The following LRRTM4 variants were observed in gnomAD, a reference collection of about 807,000 sequenced individuals.
LRRTM4 encodes the protein leucine rich repeat transmembrane neuronal 4.
LRRTM4 carries 25 observed loss-of-function variants against 47.6 expected under a neutral mutation model. That is an observed-to-expected ratio of 0.53 (90% CI 0.38 to 0.73). The LOEUF is 0.73. Among genes scored for constraint, LRRTM4 ranks in the 30% least tolerant of loss-of-function variants. The probability of loss-of-function intolerance (pLI) is 0.00; values close to 1 mark genes in which losing one functional copy is unlikely to be tolerated. For missense variants in LRRTM4, 638 were observed against 713.4 expected (o/e 0.89, Z 1.20); for synonymous variants, 311 against 269.5 (o/e 1.15, Z -1.51).
rs1206477366 is a variant in LRRTM4, at chr2:77,083,820, T to C, written c.1552-334904A>G. Among the ~76,000 whole-genome samples, 261 of 119,910 alleles carry C rather than the reference T, an allele frequency of 2.2e-3. 6 individuals carry two copies. Among genetic ancestry groups the C allele is most frequent in the African/African-American group, 8.2e-3 (227 of 27,686 alleles). 78.7% of individuals were successfully genotyped at this position (119,910 alleles called of 152,430 possible). A position where few individuals can be genotyped will look rare whatever the true frequency, so the allele number is the denominator to read the frequency against. On this transcript the variant is annotated intron_variant, in intron 3 of 3. Transcript: ENST00000409884. ...TTTTTTTTTTTTTTTTTTTTTTTTTTTTCAGACGGAGTCTCGCTCTGTCGC... is the reference window on the plus strand; with the variant it reads ...TTTTTTTTTTTTTTTTTTTTTTTTTCTTCAGACGGAGTCTCGCTCTGTCGC...
intron 3 of LRRTM4, among the ~76,000 whole-genome samples, chr2:77,065,973 C>T (rs144568457): frequency 7.9e-5 from 12 of 152,202 alleles, no homozygotes; most frequent in East Asian, 5.8e-4. Context: ...TAATGTAAAA[C>T]GAGATCTAAT....
chr2:77,026,328 A>T (rs1347421975), intron 3 of LRRTM4, among the ~76,000 whole-genome samples: 3 of 152,176 alleles, frequency 2.0e-5, no homozygotes, highest in Non-Finnish European at 4.4e-5. Context: ...GATAAAAGAA[A>T]TGAGGCTCAG....
intron 3 of LRRTM4, 99 bp downstream of exon 3, chr2:77,518,219 C>T: frequency 7.2e-7 from 1 of 1,392,922 alleles, no homozygotes; most frequent in East Asian, 2.6e-5. Flanking sequence ...GCAAAAGGGT[C>T]ATTAATCTTT....
chr2:76,888,595 T>C (rs1673153089), intron 3 of LRRTM4, among the ~76,000 whole-genome samples: 1 of 151,800 alleles, frequency 6.6e-6, no homozygotes, highest in Admixed American at 6.6e-5. Flanking sequence ...TAGATATACT[T>C]TGCAATTAAC....
chr2:77,334,522 T>C (rs530939124), intron 3 of LRRTM4, among the ~76,000 whole-genome samples: 1 of 152,300 alleles, frequency 6.6e-6, no homozygotes, highest in East Asian at 1.9e-4. Context: ...GCACAAGCTC[T>C]CTCTTTGCCT....
At chr2:77,429,733 T>C (rs1573402582) in intron 3 of LRRTM4, among the ~76,000 whole-genome samples, 1 of 152,176 alleles carries the variant, frequency 6.6e-6, no homozygotes, top group East Asian at 1.9e-4. Context: ...GAAATATTGA[T>C]CAAAGGATAT....
At chr2:76,851,140 G>A (rs1013783680) in intron 3 of LRRTM4, among the ~76,000 whole-genome samples, 5 of 152,178 alleles carry the variant, frequency 3.3e-5, no homozygotes, top group African/African-American at 1.2e-4. Context: ...TCGTGCTTGG[G>A]CTTGCAGGTG....
chr2:77,275,686 CCTGGA>C (rs1361789795), intron 3 of LRRTM4, among the ~76,000 whole-genome samples: 2 of 152,052 alleles, frequency 1.3e-5, no homozygotes, highest in Non-Finnish European at 2.9e-5. Flanking sequence ...CTGGACCTCA[CCTGGA>C]CTGGCCTTTA....
intron 3 of LRRTM4, among the ~76,000 whole-genome samples, chr2:76,846,976 G>A (rs768462303): frequency 1.3e-5 from 2 of 152,114 alleles, no homozygotes; most frequent in South Asian, 2.1e-4. Context: ...CAGCTGAGAG[G>A]TTTAGAGATC....
At chr2:76,941,370 T>C (rs62170335) in intron 3 of LRRTM4, among the ~76,000 whole-genome samples, 5,789 of 152,216 alleles carry the variant, frequency 0.038, 170 homozygotes, top group Non-Finnish European at 0.057. Context: ...AACATGCAGG[T>C]TTGTTACATA....
chr2:76,817,201 T>C (rs1670927636), intron 3 of LRRTM4, among the ~76,000 whole-genome samples: 1 of 151,908 alleles, frequency 6.6e-6, no homozygotes, highest in South Asian at 2.1e-4. Flanking sequence ...CAGGAGTGCA[T>C]GCAGTTGTTT....
At chr2:77,131,376 T>C (rs1671799161) in intron 3 of LRRTM4, among the ~76,000 whole-genome samples, 1 of 152,204 alleles carries the variant, frequency 6.6e-6, no homozygotes, top group Non-Finnish European at 1.5e-5. Context: ...CCAAGTCTTT[T>C]AAGCACGAGT....
chr2:76,777,540 T>C (rs1371868665), intron 3 of LRRTM4, among the ~76,000 whole-genome samples: 1 of 139,128 alleles, frequency 7.2e-6, no homozygotes, highest in Non-Finnish European at 1.6e-5. Flanking sequence ...GGGAGTTCAC[T>C]CATGATTTGG....
chr2:77,017,344 A>C (rs1678105083), intron 3 of LRRTM4, among the ~76,000 whole-genome samples: 1 of 152,336 alleles, frequency 6.6e-6, no homozygotes, highest in South Asian at 2.1e-4. Context: ...TAAAATAATT[A>C]TATCCTGAAA....
chr2:77,054,708 G>C (rs1404308376), intron 3 of LRRTM4, among the ~76,000 whole-genome samples: 1 of 152,120 alleles, frequency 6.6e-6, no homozygotes, highest in Non-Finnish European at 1.5e-5. Context: ...TTAGTTTCAA[G>C]AATCATGGTT....
rs137869510 is a variant in LRRTM4 at position 76,969,161 on chromosome 2, T to C, written c.1552-220245A>G. Reference sequence around the variant, plus strand: ...AAGACACCCTTCTCCTTGTCAGGAATCTCCACCACACAGCTAATTAGTCTC... The same window carrying C: ...AAGACACCCTTCTCCTTGTCAGGAACCTCCACCACACAGCTAATTAGTCTC... On this transcript the variant is annotated intron_variant, in intron 3 of 3. Coordinates refer to ENST00000409884, the MANE Select transcript of LRRTM4 (RefSeq NM_001134745.3). 4.3e-3 allele frequency among the ~76,000 whole-genome samples: 661 copies of C among 152,050 alleles called. 3 individuals are homozygous for C. Among genetic ancestry groups the C allele is most frequent in the African/African-American group, 0.015 (607 of 41,530 alleles).
intron 3 of LRRTM4, among the ~76,000 whole-genome samples, chr2:76,823,930 A>G (rs2103866976): frequency 6.6e-6 from 1 of 151,650 alleles, no homozygotes. Flanking sequence ...TGTTTTAATA[A>G]ATAACATTAT....
intron 3 of LRRTM4, among the ~76,000 whole-genome samples, chr2:76,833,912 A>G (rs1246018812): frequency 6.6e-6 from 1 of 151,696 alleles, no homozygotes; most frequent in Non-Finnish European, 1.5e-5. Flanking sequence ...CTTTTCCCTA[A>G]TGCCATTAAA....
intron 3 of LRRTM4, among the ~76,000 whole-genome samples, chr2:76,889,992 T>C (rs1254236872): frequency 6.6e-6 from 1 of 151,924 alleles, no homozygotes; most frequent in Non-Finnish European, 1.5e-5. Context: ...TGCAGGGATA[T>C]ACATAGAGTT....
Sources: gnomAD v4.1 joint callset for allele counts (sites outside exome capture counted in the v4.1 genomes callset) on GRCh38, gnomAD v4.1.1 for gene constraint, MANE v1.5 for transcripts, NCBI Gene and HGNC (gene_info 2026-07-23, HGNC 2026-07-21) for gene names.